Variants in LHFPL3 observed in about 807,000 individuals in gnomAD.
LHFPL3 encodes LHFPL tetraspan subfamily member 3.
Under a neutral mutation model 19.3 loss-of-function variants are expected in LHFPL3, and 5 were observed. That is an observed-to-expected ratio of 0.26 (90% CI 0.14 to 0.54). The LOEUF is 0.54. LHFPL3 is among the 20% of genes least tolerant of loss of function. LHFPL3 has a pLI of 0.94. For synonymous variants in LHFPL3, 133 were observed against 126.2 expected (o/e 1.05, Z -0.36); for missense variants, 249 against 307.4 (o/e 0.81, Z 1.42).
intron 1 of LHFPL3, among the ~76,000 whole-genome samples, chr7:104,439,967 C>T (rs1040629184): frequency 7.0e-6 from 1 of 143,110 alleles, no homozygotes; most frequent in Non-Finnish European, 1.5e-5. Flanking sequence ...ACCACCACCA[C>T]CACAATAAAA....
intron 2 of LHFPL3, among the ~76,000 whole-genome samples, chr7:104,852,257 A>G (rs560366464): frequency 1.3e-5 from 2 of 152,336 alleles, no homozygotes; most frequent in African/African-American, 4.8e-5. Context: ...GAAGGGAAAC[A>G]AGAAAGGGCA....
intron 2 of LHFPL3, among the ~76,000 whole-genome samples, chr7:104,834,716 A>C (rs1791058274): frequency 6.6e-6 from 1 of 151,918 alleles, no homozygotes; most frequent in Non-Finnish European, 1.5e-5. Context: ...TGTGTGCACA[A>C]TCCATTCAGC....
chr7:104,411,397 A>G (rs918774712), intron 1 of LHFPL3, among the ~76,000 whole-genome samples: 2 of 152,186 alleles, frequency 1.3e-5, no homozygotes, highest in African/African-American at 4.8e-5. Flanking sequence ...CAGAGGGTTT[A>G]TTTGTATAAC....
At chr7:104,385,010 C>T (rs374974330) in intron 1 of LHFPL3, among the ~76,000 whole-genome samples, 6 of 151,910 alleles carry the variant, frequency 3.9e-5, no homozygotes, top group South Asian at 4.2e-4. Context: ...TTCCCCAATC[C>T]GAAGAAATTG....
intron 1 of LHFPL3, among the ~76,000 whole-genome samples, chr7:104,497,558 G>C (rs1420557197): frequency 6.6e-6 from 1 of 151,710 alleles, no homozygotes; most frequent in Non-Finnish European, 1.5e-5. Context: ...GCATTTTGGG[G>C]GTGAAATCTC....
At chr7:104,658,803 A>G (rs1224193170) in intron 1 of LHFPL3, among the ~76,000 whole-genome samples, 1 of 152,150 alleles carries the variant, frequency 6.6e-6, no homozygotes, top group Non-Finnish European at 1.5e-5. Context: ...AAACAAACTA[A>G]AAAACAAGTC....
intron 1 of LHFPL3, among the ~76,000 whole-genome samples, chr7:104,501,589 T>C (rs537668508): frequency 5.9e-5 from 9 of 152,346 alleles, no homozygotes; most frequent in African/African-American, 2.2e-4. Context: ...TAGTCACTCA[T>C]GCCTCTTCTG....
chr7:104,848,782 C>T (rs1025787150), intron 2 of LHFPL3, among the ~76,000 whole-genome samples: 1 of 152,170 alleles, frequency 6.6e-6, no homozygotes, highest in Admixed American at 6.5e-5. Flanking sequence ...CATCTATGGC[C>T]TGAGATCCTA....
At chr7:104,765,217 G>A (rs1794435779) in intron 2 of LHFPL3, among the ~76,000 whole-genome samples, 1 of 152,178 alleles carries the variant, frequency 6.6e-6, no homozygotes, top group East Asian at 1.9e-4. Context: ...CTAGCTACAA[G>A]GAAAATGCTC....
intron 1 of LHFPL3, among the ~76,000 whole-genome samples, chr7:104,613,872 A>G (rs1434646640): frequency 6.6e-6 from 1 of 152,236 alleles, no homozygotes; most frequent in Non-Finnish European, 1.5e-5. Flanking sequence ...GTGAGCTAGT[A>G]GAAAACTACT....
At chr7:104,639,261 T>C (rs1043906351) in intron 1 of LHFPL3, among the ~76,000 whole-genome samples, 1 of 152,188 alleles carries the variant, frequency 6.6e-6, no homozygotes, top group African/African-American at 2.4e-5. Context: ...GAGTTCATTA[T>C]TGGTCTGTTC....
chr7:104,526,055 C>T (rs1794182986), intron 1 of LHFPL3, among the ~76,000 whole-genome samples: 1 of 152,096 alleles, frequency 6.6e-6, no homozygotes, highest in African/African-American at 2.4e-5. Context: ...GCTTCTTTCT[C>T]CCAGAGTCTA....
intron 1 of LHFPL3, among the ~76,000 whole-genome samples, chr7:104,638,493 T>A (rs1052530235): frequency 6.6e-6 from 1 of 152,178 alleles, no homozygotes; most frequent in African/African-American, 2.4e-5. Context: ...TGCTTCCAGC[T>A]TTTCCCCATT....
chr7:104,683,926 G>A (rs1375819504), intron 1 of LHFPL3, among the ~76,000 whole-genome samples: 1 of 152,122 alleles, frequency 6.6e-6, no homozygotes, highest in African/African-American at 2.4e-5. Context: ...TATCAATTGA[G>A]AACCAGTTCT....
intron 1 of LHFPL3, among the ~76,000 whole-genome samples, chr7:104,674,372 C>CTTT (rs531335106): frequency 1.5e-5 from 2 of 134,704 alleles, no homozygotes; most frequent in African/African-American, 5.5e-5. Context: ...TTTTCTTTTT[C>CTTT]TTTTTTTTTT....
At chr7:104,861,737 G>A (rs1330311504) in intron 2 of LHFPL3, among the ~76,000 whole-genome samples, 1 of 152,184 alleles carries the variant, frequency 6.6e-6, no homozygotes, top group Non-Finnish European at 1.5e-5. Flanking sequence ...CTTCCTGGTG[G>A]TCTAACATGG....
At chr7:104,537,939 T>G (rs1410693649) in intron 1 of LHFPL3, among the ~76,000 whole-genome samples, 4 of 152,194 alleles carry the variant, frequency 2.6e-5, no homozygotes, top group Non-Finnish European at 5.9e-5. Flanking sequence ...AGGGATTGTC[T>G]GACCACCTCA....
intron 1 of LHFPL3, among the ~76,000 whole-genome samples, chr7:104,493,650 T>C: frequency 6.6e-6 from 1 of 152,156 alleles, no homozygotes; most frequent in East Asian, 1.9e-4. Context: ...CATCTCCTTC[T>C]TCCCAATGTC....
At chr7:104,799,544 T>C (rs990420505) in intron 2 of LHFPL3, 1 of 152,564 alleles carries the variant, frequency 6.6e-6, no homozygotes, top group Non-Finnish European at 1.5e-5. Flanking sequence ...CAATCAGGCC[T>C]GGGAGAGATG....
Sources: allele counts gnomAD v4.1 joint callset (sites outside exome capture counted in the v4.1 genomes callset), GRCh38; gene constraint gnomAD v4.1.1; transcripts MANE v1.5; gene names NCBI Gene and HGNC (gene_info 2026-07-23, HGNC 2026-07-21).